TMEM65: variants seen among roughly 807,000 people sequenced by gnomAD.
The protein encoded by TMEM65 is transmembrane protein 65.
Under a neutral mutation model 25.4 loss-of-function variants are expected in TMEM65, and 22 were observed. The ratio of observed to expected loss-of-function variants is 0.86; its 90% CI spans 0.62 to 1.23. The LOEUF (loss-of-function observed/expected upper bound fraction) is 1.23, where lower values mean the gene tolerates loss of function less well. Among genes scored for constraint, TMEM65 ranks in the 50% most tolerant of loss-of-function variants. TMEM65 has a pLI of 0.00. For synonymous variants in TMEM65, 132 were observed against 126.2 expected, an observed-to-expected ratio of 1.05 and a Z score of -0.31; for missense variants, 262 against 308.2, an observed-to-expected ratio of 0.85 and a Z score of 1.12.
At chr8:124,322,184 G>T (rs572244730) in intron 4 of TMEM65, 37 bp from the exon 5 acceptor site, 19 of 1,474,034 alleles carry the variant, frequency 1.3e-5, no homozygotes, top group South Asian at 2.3e-5. Context: ...TTACATAAAA[G>T]AATAATAATT....
chr8:124,317,121 G>GTA (rs1256733166), intron 6 of TMEM65, among the ~76,000 whole-genome samples: 1 of 152,120 alleles, frequency 6.6e-6, no homozygotes, highest in Non-Finnish European at 1.5e-5. Flanking sequence ...TTACCTATGT[G>GTA]TATGTTTTTG....
At chr8:124,350,619 T>C (rs1443698894) in intron 1 of TMEM65, among the ~76,000 whole-genome samples, 1 of 152,054 alleles carries the variant, frequency 6.6e-6, no homozygotes, top group African/African-American at 2.4e-5. Flanking sequence ...TGTCAAACTA[T>C]TCAAAAATAT....
At chr8:124,369,826 C>T (rs571934246) in intron 1 of TMEM65, among the ~76,000 whole-genome samples, 1 of 152,262 alleles carries the variant, frequency 6.6e-6, no homozygotes, top group Admixed American at 6.5e-5. Context: ...AGACTACATA[C>T]ACTAACAAAG....
chr8:124,360,429 CAAA>C (rs55829098), intron 1 of TMEM65, among the ~76,000 whole-genome samples: 3 of 70,620 alleles, frequency 4.2e-5, no homozygotes, highest in African/African-American at 5.1e-5. Flanking sequence ...GACTCTGTCA[CAAA>C]AAAAAAAAAA....
chr8:124,361,631 G>A (rs1010210197), intron 1 of TMEM65, among the ~76,000 whole-genome samples: 4 of 151,314 alleles, frequency 2.6e-5, no homozygotes, highest in Admixed American at 6.6e-5. Context: ...TCAGGAGTTC[G>A]AGACCAGTCT....
Position 124,320,084 on chromosome 8 carries a change from A to T in TMEM65, c.621+2T>A. ...TTATCATAAACCATGTAAATTACTT[A>T]CCAAATGTGTACTAAGACGTGTTTG... On this transcript the variant is annotated splice_donor_variant, in intron 6 of 6. Transcript: ENST00000297632. LOFTEE classifies it high-confidence loss of function. The T allele has an allele frequency of 6.2e-7, 1 of 1,610,758 alleles. No homozygotes were observed. The highest frequency in any genetic ancestry group is 8.5e-7 in the Non-Finnish European group (1 of 1,177,412).
intron 1 of TMEM65, among the ~76,000 whole-genome samples, chr8:124,333,470 C>CGTCT (rs1814461798): frequency 6.7e-6 from 1 of 149,138 alleles, no homozygotes; most frequent in Admixed American, 6.7e-5. Context: ...TGTGTGTGTG[C>CGTCT]GTGTGTGTGT....
At chr8:124,350,151 T>TGC (rs1814689472) in intron 1 of TMEM65, among the ~76,000 whole-genome samples, 1 of 148,822 alleles carries the variant, frequency 6.7e-6, no homozygotes, top group Non-Finnish European at 1.5e-5. Context: ...TGTGTGTGTG[T>TGC]GCATGTGTGT....
chr8:124,323,502 T>C lies in TMEM65; in HGVS notation c.418-127A>G, dbSNP rs540864469. 60 of 419,888 alleles carry C rather than the reference T, an allele frequency of 1.4e-4. No individual in the cohort carries two copies. The South Asian group carries it at 2.5e-3, about 17-fold the overall frequency. The allele number at this position is 419,888 out of a possible 1,614,324, so 26.0% of individuals were successfully genotyped here. A position where few individuals can be genotyped will look rare whatever the true frequency, so the allele number is the denominator to read the frequency against. On this transcript the variant is annotated intron_variant, in intron 3 of 6. Transcript: ENST00000297632. ...TAGTGCTGCAAAATTACATACATCA[T>C]ATATGCACATATAATATAGTAATTC...
In TMEM65 at chr8:124,330,736, T is replaced by C. The variant is rs374842674; in HGVS notation, c.349+12A>G. The C allele has an allele frequency of 3.8e-6, 6 of 1,592,554 alleles. No homozygotes were observed. In the African/African-American group the frequency reaches 5.5e-5, roughly 15 times the overall value. On this transcript the variant is annotated intron_variant, in intron 2 of 6. Transcript: ENST00000297632. ...CAGATGAACATATATTTAACAATTA[T>C]AGAACCATTACCATATCTCAGCTGT... is the stretch of plus-strand genomic sequence containing the variant.
intron 1 of TMEM65, among the ~76,000 whole-genome samples, chr8:124,359,090 G>T (rs879841600): frequency 6.6e-6 from 1 of 152,182 alleles, no homozygotes; most frequent in African/African-American, 2.4e-5. Context: ...CAACACTGCC[G>T]GGGATGCAAG....
intron 1 of TMEM65, among the ~76,000 whole-genome samples, chr8:124,332,487 G>C (rs552795052): frequency 7.4e-4 from 112 of 152,222 alleles, no homozygotes; most frequent in African/African-American, 2.7e-3. Context: ...AAGAAGAAAA[G>C]ATAAGGGCTA....
chr8:124,341,453 A>C (rs1378380744), intron 1 of TMEM65, among the ~76,000 whole-genome samples: 1 of 152,044 alleles, frequency 6.6e-6, no homozygotes, highest in Non-Finnish European at 1.5e-5. Flanking sequence ...CCCTGTGTTA[A>C]AACAGTAAGA....
chr8:124,318,998 A>G (rs1814273460), intron 6 of TMEM65, among the ~76,000 whole-genome samples: 1 of 152,150 alleles, frequency 6.6e-6, no homozygotes, highest in Non-Finnish European at 1.5e-5. Context: ...CAGATTGTTT[A>G]TTGTCTGTCT....
intron 3 of TMEM65, among the ~76,000 whole-genome samples, chr8:124,326,266 T>C (rs1814364970): frequency 6.6e-6 from 1 of 152,054 alleles, no homozygotes; most frequent in African/African-American, 2.4e-5. Flanking sequence ...TGAAGATCTA[T>C]TACCTTCAAT....
At chr8:124,335,933 CA>C (rs1814501572) in intron 1 of TMEM65, among the ~76,000 whole-genome samples, 1 of 151,968 alleles carries the variant, frequency 6.6e-6, no homozygotes, top group Admixed American at 6.6e-5. Context: ...AATTAAAATG[CA>C]GAGACTACAA....
chr8:124,323,506 T>C (rs2131198634), intron 3 of TMEM65, 131 bp from the exon 4 acceptor site: 1 of 420,586 alleles, frequency 2.4e-6, no homozygotes, highest in East Asian at 4.0e-5. Context: ...ACATCATATA[T>C]GCACATATAA....
chr8:124,370,315 A>C (rs926298278), intron 1 of TMEM65, among the ~76,000 whole-genome samples: 3 of 152,220 alleles, frequency 2.0e-5, no homozygotes, highest in Non-Finnish European at 4.4e-5. Context: ...TTTCCAAGAA[A>C]TTACTTGGAA....
chr8:124,320,631 CA>C (rs1401119763), intron 5 of TMEM65, among the ~76,000 whole-genome samples: 4 of 152,070 alleles, frequency 2.6e-5, no homozygotes, highest in Non-Finnish European at 5.9e-5. Context: ...CAAAAGTTTC[CA>C]AAATTCCTCA....
Sources: allele counts gnomAD v4.1 joint callset (sites outside exome capture counted in the v4.1 genomes callset), GRCh38; gene constraint gnomAD v4.1.1; transcripts MANE v1.5; gene names NCBI Gene and HGNC (gene_info 2026-07-23, HGNC 2026-07-21).